Variants in CIMIP7 observed in about 807,000 individuals in gnomAD.
CIMIP7 encodes the protein ciliary microtubule inner protein 7.
At chr3:49,191,620 G>T in the CIMIP7 span, 1 of 1,059,882 alleles carries the variant, frequency 9.4e-7, no homozygotes, top group Non-Finnish European at 1.4e-6. Flanking sequence ...GAAGTGGGCG[G>T]CTCAGGGTCC....
At chr3:49,180,572 C>T in the CIMIP7 span, among the ~76,000 whole-genome samples, 28 of 152,276 alleles carry the variant, frequency 1.8e-4, no homozygotes, top group African/African-American at 5.8e-4. Context: ...AGATAAAATA[C>T]AGGGGCTGGC....
At chr3:49,189,944 G>A in the CIMIP7 span, 1,694 of 993,800 alleles carry the variant, frequency 1.7e-3, 19 homozygotes, top group African/African-American at 0.022. Flanking sequence ...AGCCATGGAA[G>A]GGCTGGGATG....
chr3:49,182,605 A>T, the CIMIP7 span, among the ~76,000 whole-genome samples: 1 of 152,232 alleles, frequency 6.6e-6, no homozygotes, highest in Non-Finnish European at 1.5e-5. Flanking sequence ...GGCTTCACCC[A>T]GTGGATCCCG....
chr3:49,181,703 A>C, the CIMIP7 span, among the ~76,000 whole-genome samples: 1 of 152,338 alleles, frequency 6.6e-6, no homozygotes, highest in African/African-American at 2.4e-5. Context: ...AAGTCTCTCA[A>C]CTCAACAGTA....
At chr3:49,178,070 C>T in the CIMIP7 span, 1 of 1,556,530 alleles carries the variant, frequency 6.4e-7, no homozygotes, top group South Asian at 1.2e-5. Flanking sequence ...ACGGTATGGG[C>T]CCTTGGCCCA....
chr3:49,189,270 ATT>A, the CIMIP7 span, among the ~76,000 whole-genome samples: 1 of 141,194 alleles, frequency 7.1e-6, no homozygotes. Context: ...CACCTTGCCT[ATT>A]TTTTTTTTTT....
chr3:49,184,238 A>G, the CIMIP7 span, among the ~76,000 whole-genome samples: 2 of 152,246 alleles, frequency 1.3e-5, no homozygotes, highest in African/African-American at 2.4e-5. Context: ...GGCTCAAGCA[A>G]TCCTCTTGCC....
the CIMIP7 span, among the ~76,000 whole-genome samples, chr3:49,184,066 T>A: frequency 5.9e-5 from 9 of 152,228 alleles, no homozygotes; most frequent in Non-Finnish European, 1.5e-5. Flanking sequence ...GACACAATCA[T>A]GGCTCACTTC....
chr3:49,185,688 GC>G, the CIMIP7 span, among the ~76,000 whole-genome samples: 1 of 151,012 alleles, frequency 6.6e-6, no homozygotes, highest in East Asian at 1.9e-4. Flanking sequence ...AAATTTTAAA[GC>G]TTTTTTTTTT....
the CIMIP7 span, among the ~76,000 whole-genome samples, chr3:49,182,703 C>G: frequency 2.0e-5 from 3 of 152,130 alleles, no homozygotes; most frequent in Non-Finnish European, 4.4e-5. Context: ...GACTGGATGC[C>G]ATGGAGCAGG....
chr3:49,182,549 A>G, the CIMIP7 span, among the ~76,000 whole-genome samples: 1 of 152,188 alleles, frequency 6.6e-6, no homozygotes, highest in African/African-American at 2.4e-5. Context: ...TCCCTTAGCT[A>G]GACATAAAGG....
chr3:49,191,841 AT>A, the CIMIP7 span: 9 of 1,461,674 alleles, frequency 6.2e-6, no homozygotes, highest in Middle Eastern at 1.7e-4. Flanking sequence ...AGGAAAGAGA[AT>A]CTCTGGAGGT....
the CIMIP7 span, among the ~76,000 whole-genome samples, chr3:49,180,916 T>A: frequency 5.8e-3 from 510 of 87,756 alleles, 5 homozygotes; most frequent in African/African-American, 0.024. Flanking sequence ...GGCGACAGAG[T>A]GAGACTCCGT....
the CIMIP7 span, among the ~76,000 whole-genome samples, chr3:49,182,914 G>A: frequency 6.6e-6 from 1 of 152,196 alleles, no homozygotes; most frequent in Non-Finnish European, 1.5e-5. Flanking sequence ...CACTCCGAGT[G>A]CAGCCCGCTG....
At chr3:49,177,997 C>T in the CIMIP7 span, 29 of 1,612,594 alleles carry the variant, frequency 1.8e-5, no homozygotes, top group Non-Finnish European at 2.5e-5. Context: ...GTGCCGCTGC[C>T]ACAGGCGCTC....
the CIMIP7 span, among the ~76,000 whole-genome samples, chr3:49,185,297 G>T: frequency 1.3e-5 from 2 of 151,594 alleles, no homozygotes; most frequent in East Asian, 3.9e-4. Context: ...AAGCAGGGTG[G>T]CTCACACCTG....
the CIMIP7 span, among the ~76,000 whole-genome samples, chr3:49,184,277 G>A: frequency 6.6e-6 from 1 of 152,194 alleles, no homozygotes; most frequent in African/African-American, 2.4e-5. Context: ...GGGATTAGAG[G>A]CATGAGCCAC....
chr3:49,187,261 G>C, the CIMIP7 span, among the ~76,000 whole-genome samples: 1 of 152,146 alleles, frequency 6.6e-6, no homozygotes, highest in Non-Finnish European at 1.5e-5. Context: ...ATCATTCAAG[G>C]CTCCTTTTCC....
the CIMIP7 span, among the ~76,000 whole-genome samples, chr3:49,190,906 A>G: frequency 6.6e-6 from 1 of 152,038 alleles, no homozygotes; most frequent in Admixed American, 6.6e-5. Context: ...TGACCTCGTG[A>G]TCTGCCCACC....
Sources: gnomAD v4.1 joint callset for allele counts (sites outside exome capture counted in the v4.1 genomes callset) on GRCh38, gnomAD v4.1.1 for gene constraint, MANE v1.5 for transcripts, NCBI Gene and HGNC (gene_info 2026-07-23, HGNC 2026-07-21) for gene names.